Variants in IQUB observed in about 807,000 individuals in gnomAD.
The protein encoded by IQUB is IQ motif and ubiquitin domain containing.
Under a neutral mutation model 86.4 loss-of-function variants are expected in IQUB, and 86 were observed. The observed-to-expected ratio is 1.00, with a 90% CI of 0.84 to 1.19. IQUB has a LOEUF of 1.19. Ranked by LOEUF, IQUB falls within the 50% of genes most tolerant of loss-of-function variation. IQUB has a pLI of 0.00. For synonymous variants in IQUB, 289 were observed against 304.5 expected (o/e 0.95, Z 0.53); for missense variants, 946 against 916.9 (o/e 1.03, Z -0.41).
chr7:123,461,506 G>T lies in IQUB; in HGVS notation c.1858C>A (p.Arg620Ser), dbSNP rs141036933. The stretch of plus-strand genomic sequence containing the variant: ...CAGTTACGACACCGGTATATGCGGC[G>T]TGAGGTGGATGATACAGAAAATTCT... Reference protein sequence around the residue: ...STEFSVSSTSRRIYRCRNCIN... With the variant: ...STEFSVSSTSSRIYRCRNCIN... The change falls in exon 11 of 13, where the codon CGC (arginine) becomes AGC (serine). Residue 620 changes from arginine to serine, a missense_variant. Arg to Ser is a moderately radical substitution (Grantham distance 110). Coordinates refer to ENST00000324698, the MANE Select transcript of IQUB (RefSeq NM_178827.5). The T allele has an allele frequency of 3.1e-6, 5 of 1,612,156 alleles. No individual in the cohort carries two copies. In the Admixed American group the frequency reaches 5.0e-5, roughly 16 times the overall value.
intron 9 of IQUB, among the ~76,000 whole-genome samples, chr7:123,468,975 T>A (rs1003289683): frequency 1.3e-5 from 2 of 152,210 alleles, no homozygotes; most frequent in Non-Finnish European, 2.9e-5. Flanking sequence ...ACTAATCTCA[T>A]GCTATACTGC....
Position 123,461,557 on chromosome 7 carries a change from T to A in IQUB, c.1807A>T (p.Ser603Cys). The change falls in exon 11 of 13, where the codon AGT becomes TGT. Residue 603 changes from serine to cysteine, a missense_variant. By Grantham distance (112) the Ser-to-Cys change is moderately radical. Coordinates refer to ENST00000324698, the MANE Select transcript of IQUB (RefSeq NM_178827.5). Reference protein sequence around the residue: ...KFYKKIYFCHSCQLYLPSTEF... With the variant: ...KFYKKIYFCHCCQLYLPSTEF... ...GTAGAAGGCAAATAAAGCTGGCAAC[T>A]GTGGCAAAAGTAAATCTTCTTATAA... 6.2e-7 allele frequency: 1 copy of A among 1,611,634 alleles called. No homozygotes were observed. The highest frequency in any genetic ancestry group is 8.5e-7 in the Non-Finnish European group (1 of 1,178,606).
At chr7:123,523,265 G>A (rs1417850625) in intron 1 of IQUB, among the ~76,000 whole-genome samples, 4 of 141,316 alleles carry the variant, frequency 2.8e-5, no homozygotes, top group Non-Finnish European at 6.2e-5. Flanking sequence ...CTAGATCCCT[G>A]AGGAATCGCC....
chr7:123,499,905 T>A (rs986520283), intron 6 of IQUB, among the ~76,000 whole-genome samples: 2 of 152,096 alleles, frequency 1.3e-5, no homozygotes, highest in African/African-American at 4.8e-5. Context: ...CATAAAGACC[T>A]TGCTAATAAA....
intron 3 of IQUB, among the ~76,000 whole-genome samples, chr7:123,508,552 G>C (rs958117741): frequency 6.6e-6 from 1 of 152,170 alleles, no homozygotes; most frequent in African/African-American, 2.4e-5. Flanking sequence ...TGTAATTCCT[G>C]CTGGCATAAG....
intron 9 of IQUB, among the ~76,000 whole-genome samples, chr7:123,468,900 C>T (rs1253416459): frequency 6.6e-6 from 1 of 152,120 alleles, no homozygotes; most frequent in African/African-American, 2.4e-5. Flanking sequence ...TTTAAAACTG[C>T]TAAAAATCAA....
intron 7 of IQUB, among the ~76,000 whole-genome samples, chr7:123,493,327 TA>T (rs891096884): frequency 6.6e-6 from 1 of 152,136 alleles, no homozygotes; most frequent in Non-Finnish European, 1.5e-5. Flanking sequence ...CCTACCTTAC[TA>T]ACCTCTTCAA....
At chr7:123,533,842 T>C (rs1308335734) in intron 1 of IQUB, among the ~76,000 whole-genome samples, 1 of 152,230 alleles carries the variant, frequency 6.6e-6, no homozygotes, top group African/African-American at 2.4e-5. Context: ...TATTTTTTTA[T>C]GTATTATCTA....
chr7:123,484,803 G>A (rs1038524298), intron 7 of IQUB, among the ~76,000 whole-genome samples: 7 of 152,010 alleles, frequency 4.6e-5, no homozygotes, highest in South Asian at 2.1e-4. Flanking sequence ...CCAAGCTGAC[G>A]AGAAATGAAA....
At chr7:123,458,976 C>T (rs1793849716) in intron 11 of IQUB, among the ~76,000 whole-genome samples, 1 of 151,954 alleles carries the variant, frequency 6.6e-6, no homozygotes, top group Non-Finnish European at 1.5e-5. Context: ...CTAATCTTTG[C>T]TGTTGTCCAC....
chr7:123,503,777 A>G (rs1796054615), intron 3 of IQUB, among the ~76,000 whole-genome samples: 1 of 151,920 alleles, frequency 6.6e-6, no homozygotes, highest in Non-Finnish European at 1.5e-5. Flanking sequence ...TTTAATTATT[A>G]AATATAGTAT....
Position 123,512,292 on chromosome 7 carries a change from T to C in IQUB, c.49A>G (p.Thr17Ala). 2 of 1,607,804 alleles carry C rather than the reference T, an allele frequency of 1.2e-6. No homozygotes were observed. The highest frequency in any genetic ancestry group is 1.7e-6 in the Non-Finnish European group (2 of 1,174,950). The part of the protein sequence containing the change: ...KYEAQNIVNS[T>A]EESDDAFDTV... Reference sequence around the variant, plus strand: ...TCAAAAGCATCATCACTCTCTTCTGTTGAATTGACTATATTCTGAGCTTCA... The same window carrying C: ...TCAAAAGCATCATCACTCTCTTCTGCTGAATTGACTATATTCTGAGCTTCA... The change falls in exon 2 of 13, where the codon ACA becomes GCA. Residue 17 changes from threonine to alanine, a missense_variant. Thr to Ala is a moderately conservative substitution (Grantham distance 58, BLOSUM62 0). Coordinates refer to ENST00000324698, the MANE Select transcript of IQUB (RefSeq NM_178827.5).
At chr7:123,519,262 A>G (rs1796792740) in intron 1 of IQUB, among the ~76,000 whole-genome samples, 1 of 152,168 alleles carries the variant, frequency 6.6e-6, no homozygotes, top group African/African-American at 2.4e-5. Context: ...TTCCTTAAAA[A>G]ACTAAAAATA....
intron 1 of IQUB, among the ~76,000 whole-genome samples, chr7:123,525,439 T>G (rs1323564177): frequency 6.6e-6 from 1 of 152,176 alleles, no homozygotes; most frequent in Non-Finnish European, 1.5e-5. Context: ...GGAGAGTGTA[T>G]GTGTCCAGGA....
intron 1 of IQUB, chr7:123,532,675 G>A (rs1430010206): frequency 6.6e-6 from 1 of 152,150 alleles, no homozygotes; most frequent in Non-Finnish European, 1.5e-5. Context: ...TAAAAAGCAA[G>A]GTGCGGGACG....
chr7:123,472,037 A>G (rs538138900), intron 8 of IQUB, among the ~76,000 whole-genome samples: 1 of 152,236 alleles, frequency 6.6e-6, no homozygotes. Flanking sequence ...CAGAAGTTCG[A>G]GAACAGCCTG....
At chr7:123,484,845 A>G (rs1795152916) in intron 7 of IQUB, among the ~76,000 whole-genome samples, 1 of 152,094 alleles carries the variant, frequency 6.6e-6, no homozygotes, top group East Asian at 1.9e-4. Context: ...AAAATTCTCT[A>G]TTAGATGAAT....
intron 8 of IQUB, among the ~76,000 whole-genome samples, chr7:123,475,097 T>C (rs564333765): frequency 6.6e-6 from 1 of 152,294 alleles, no homozygotes; most frequent in South Asian, 2.1e-4. Flanking sequence ...CTTTATTTAG[T>C]CACATAACTA....
intron 12 of IQUB, among the ~76,000 whole-genome samples, chr7:123,453,133 G>A (rs143346924): frequency 2.0e-5 from 3 of 151,628 alleles, no homozygotes; most frequent in African/African-American, 7.2e-5. Context: ...ACTTCTCTAA[G>A]TTTAAACCAC....
Sources: allele counts gnomAD v4.1 joint callset (sites outside exome capture counted in the v4.1 genomes callset), GRCh38; gene constraint gnomAD v4.1.1; transcripts MANE v1.5; gene names NCBI Gene and HGNC (gene_info 2026-07-23, HGNC 2026-07-21).